CACNA1C: variants seen among roughly 807,000 people sequenced by gnomAD.
The protein encoded by CACNA1C is calcium voltage-gated channel subunit alpha1 C.
In CACNA1C, 30 loss-of-function variants were observed where a neutral mutation model predicts 229.0. That is an observed-to-expected ratio of 0.13 (90% CI 0.10 to 0.18). The LOEUF (loss-of-function observed/expected upper bound fraction) is 0.18, where lower values mean the gene tolerates loss of function less well. Among genes scored for constraint, CACNA1C ranks in the 10% least tolerant of loss-of-function variants. The probability of loss-of-function intolerance (pLI) is 1.00; values close to 1 mark genes in which losing one functional copy is unlikely to be tolerated. For synonymous variants in CACNA1C, 1,114 were observed against 1,132.5 expected, an observed-to-expected ratio of 0.98 and a Z score of 0.33; for missense variants, 1,658 against 2,845.0, an observed-to-expected ratio of 0.58 and a Z score of 9.49.
At chr12:2,645,446 G>T (rs1397576984) in intron 30 of CACNA1C, among the ~76,000 whole-genome samples, 1 of 152,188 alleles carries the variant, frequency 6.6e-6, no homozygotes, top group African/African-American at 2.4e-5. Flanking sequence ...TTCTCAAGGG[G>T]CTGTACTTGG....
At position 2,474,700 on chromosome 12, in the gene CACNA1C, G is replaced by A. The variant is rs150076034; in HGVS notation, c.758-11404G>A. Among the ~76,000 whole-genome samples, 27 of 148,934 alleles carry A rather than the reference G, an allele frequency of 1.8e-4. No individual in the cohort carries two copies. The East Asian group carries it at 4.5e-3, about 25-fold the overall frequency. On this transcript the variant is annotated intron_variant, in intron 5 of 46. Coordinates refer to ENST00000399655, the MANE Select transcript of CACNA1C (RefSeq NM_000719.7). ...GAACCTGGGAGGCGCAGGTTGCAGT[G>A]AGCTGAGATCACGCCATTGCGCTCC...
intron 3 of CACNA1C, among the ~76,000 whole-genome samples, chr12:2,193,275 C>T (rs967093531): frequency 2.6e-5 from 4 of 152,036 alleles, no homozygotes; most frequent in African/African-American, 7.2e-5. Context: ...GGAAACATGG[C>T]GAAACCCTGT....
chr12:2,550,086 GA>G, intron 10 of CACNA1C, 53 bp downstream of exon 10: 1 of 1,211,416 alleles, frequency 8.3e-7, no homozygotes, highest in Non-Finnish European at 1.2e-6. Flanking sequence ...AGCATGGGTG[GA>G]AAAGCTGCAT....
upstream of CACNA1C, among the ~76,000 whole-genome samples, chr12:2,052,183 G>A (rs2052396197): frequency 2.6e-5 from 4 of 152,116 alleles, no homozygotes; most frequent in South Asian, 8.3e-4. Context: ...AGAGAAGTAG[G>A]TAAGGATATC....
At chr12:2,210,643 A>G (rs974927169) in intron 3 of CACNA1C, among the ~76,000 whole-genome samples, 2 of 152,226 alleles carry the variant, frequency 1.3e-5, no homozygotes, top group East Asian at 1.9e-4. Context: ...AACATTATCA[A>G]TGTTAGACTG....
chr12:2,214,822 A>ACATGT (rs2059573203), intron 3 of CACNA1C, among the ~76,000 whole-genome samples: 1 of 145,644 alleles, frequency 6.9e-6, no homozygotes, highest in South Asian at 2.2e-4. Context: ...TGGTTGATGG[A>ACATGT]CATGTGAGGT....
chr12:2,507,993 C>T (rs909262722), intron 8 of CACNA1C, among the ~76,000 whole-genome samples: 4 of 152,314 alleles, frequency 2.6e-5, no homozygotes, highest in East Asian at 3.9e-4. Context: ...GCACAGACTG[C>T]GGGAAACAGC....
At chr12:2,263,232 C>T (rs892959408) in intron 3 of CACNA1C, among the ~76,000 whole-genome samples, 4 of 150,832 alleles carry the variant, frequency 2.7e-5, no homozygotes, top group South Asian at 2.1e-4. Flanking sequence ...GTATGCCCAG[C>T]GTGTCTGGGA....
intron 9 of CACNA1C, among the ~76,000 whole-genome samples, chr12:2,527,999 A>G (rs1196281804): frequency 6.6e-6 from 1 of 152,230 alleles, no homozygotes; most frequent in African/African-American, 2.4e-5. Flanking sequence ...TATAATTTCC[A>G]TAATCCCTTA....
intron 3 of CACNA1C, among the ~76,000 whole-genome samples, chr12:2,376,939 C>T (rs947285059): frequency 6.6e-6 from 1 of 152,186 alleles, no homozygotes; most frequent in Non-Finnish European, 1.5e-5. Context: ...TGGTAGGAAT[C>T]GCAGGGACCA....
chr12:2,171,907 T>C (rs2096496879), intron 3 of CACNA1C, among the ~76,000 whole-genome samples: 1 of 152,062 alleles, frequency 6.6e-6, no homozygotes, highest in African/African-American at 2.4e-5. Flanking sequence ...GGACGGCCAC[T>C]ATGCACAGAG....
chr12:2,359,538 A>G (rs1594053577), intron 3 of CACNA1C, among the ~76,000 whole-genome samples: 1 of 143,494 alleles, frequency 7.0e-6, no homozygotes, highest in Non-Finnish European at 1.5e-5. Flanking sequence ...TTGGAGCAGG[A>G]TTTTTTTTTT....
intron 3 of CACNA1C, among the ~76,000 whole-genome samples, chr12:2,225,715 T>A (rs957259940): frequency 5.3e-5 from 8 of 152,180 alleles, no homozygotes; most frequent in Non-Finnish European, 1.0e-4. Flanking sequence ...AGGGGAAAGG[T>A]CTATGCTTTA....
chr12:2,283,432 C>T (rs953705680), intron 3 of CACNA1C, among the ~76,000 whole-genome samples: 1 of 152,182 alleles, frequency 6.6e-6, no homozygotes, highest in African/African-American at 2.4e-5. Context: ...TTAGAGCCTT[C>T]ACCTCCATGA....
intron 29 of CACNA1C, among the ~76,000 whole-genome samples, chr12:2,631,557 C>T (rs2090412638): frequency 6.6e-6 from 1 of 152,192 alleles, no homozygotes; most frequent in South Asian, 2.1e-4. Flanking sequence ...TCCTTTTGCC[C>T]TGTGAATGAT....
chr12:2,486,343 C>A lies in CACNA1C; in HGVS notation c.916+81C>A. Reference sequence around the variant, plus strand: ...CCTTTCCCGCTGCTGGCTACACCAACATGACCAGCAGAGCCCAGGGAAGGC... The same window carrying A: ...CCTTTCCCGCTGCTGGCTACACCAAAATGACCAGCAGAGCCCAGGGAAGGC... On this transcript the variant is annotated intron_variant, in intron 6 of 46. Coordinates refer to ENST00000399655, the MANE Select transcript of CACNA1C (RefSeq NM_000719.7). The surrounding 1 kb of genome is among the most constrained non-coding windows in gnomAD (Gnocchi z 4.9). 8.2e-7 allele frequency: 1 copy of A among 1,225,542 alleles called. No individual in the cohort carries two copies. Among genetic ancestry groups the A allele is most frequent in the Non-Finnish European group, 1.2e-6 (1 of 867,920 alleles). The allele number at this position is 1,225,542 out of a possible 1,614,324, so 75.9% of individuals were successfully genotyped here. A position where few individuals can be genotyped will look rare whatever the true frequency, so the allele number is the denominator to read the frequency against.
At chr12:2,684,889 T>C (rs1301907203) in intron 43 of CACNA1C, among the ~76,000 whole-genome samples, 1 of 152,186 alleles carries the variant, frequency 6.6e-6, no homozygotes, top group East Asian at 1.9e-4. Flanking sequence ...TGCTGTACCA[T>C]GAGCAGGCAT....
chr12:2,460,227 C>T (rs889117799), intron 5 of CACNA1C, among the ~76,000 whole-genome samples: 5 of 152,242 alleles, frequency 3.3e-5, no homozygotes, highest in African/African-American at 1.2e-4. Flanking sequence ...GCACTAGCAA[C>T]TTAAGGCTTA....
chr12:2,068,617 T>A (rs1273575162), intron 1 of CACNA1C, among the ~76,000 whole-genome samples: 1 of 152,204 alleles, frequency 6.6e-6, no homozygotes, highest in Non-Finnish European at 1.5e-5. Context: ...TGGCCCCAAG[T>A]CCTTGCCTTT....
Sources: allele counts gnomAD v4.1 joint callset (sites outside exome capture counted in the v4.1 genomes callset), GRCh38; gene constraint gnomAD v4.1.1; non-coding constraint Gnocchi (gnomAD v3.1); transcripts MANE v1.5; gene names NCBI Gene and HGNC (gene_info 2026-07-23, HGNC 2026-07-21).